NCAPD2: variants seen among roughly 807,000 people sequenced by gnomAD.
NCAPD2 encodes condensin complex subunit 1.
Under a neutral mutation model 164.5 loss-of-function variants are expected in NCAPD2, and 100 were observed. The observed-to-expected ratio is 0.61, with a 90% CI of 0.52 to 0.72. The LOEUF (loss-of-function observed/expected upper bound fraction) is 0.72, where lower values mean the gene tolerates loss of function less well. NCAPD2 is among the 30% of genes least tolerant of loss of function. NCAPD2 has a pLI of 0.00. For synonymous variants in NCAPD2, 585 were observed against 642.6 expected (o/e 0.91, Z 1.36); for missense variants, 1,560 against 1,749.2 (o/e 0.89, Z 1.93).
At chr12:6,511,704 C>T (rs1023832949) in intron 6 of NCAPD2, among the ~76,000 whole-genome samples, 3 of 151,406 alleles carry the variant, frequency 2.0e-5, no homozygotes, top group South Asian at 2.1e-4. Context: ...ACTCTAGGCC[C>T]GGTGCGGTGG....
At chr12:6,497,933 AAG>A (rs1945999070) in intron 2 of NCAPD2, among the ~76,000 whole-genome samples, 1 of 142,734 alleles carries the variant, frequency 7.0e-6, no homozygotes, top group African/African-American at 2.7e-5. Flanking sequence ...TTTTTTTTTA[AAG>A]AGTCTTTTGT....
At chr12:6,529,700 G>A in intron 28 of NCAPD2, 75 bp from the exon 29 acceptor site, 1 of 1,602,900 alleles carries the variant, frequency 6.2e-7, no homozygotes, top group South Asian at 1.1e-5. Context: ...CCTGGGACTG[G>A]GGAGGCTGAT....
At chr12:6,516,790 G>A in intron 9 of NCAPD2, 38 bp from the exon 10 acceptor site, 1 of 1,602,318 alleles carries the variant, frequency 6.2e-7, no homozygotes, top group Non-Finnish European at 8.5e-7. Flanking sequence ...GCTTCGCCTT[G>A]ACTAAAGGTT....
chr12:6,515,026 A>G, intron 9 of NCAPD2, 106 bp downstream of exon 9: 1 of 1,244,198 alleles, frequency 8.0e-7, no homozygotes, highest in Admixed American at 2.1e-5. Context: ...CAAGTTGTCT[A>G]GATTTATCAT....
chr12:6,497,778 C>T (rs1945997425), intron 2 of NCAPD2, among the ~76,000 whole-genome samples: 1 of 152,034 alleles, frequency 6.6e-6, no homozygotes, highest in South Asian at 2.1e-4. Context: ...GCCACCACGC[C>T]CGGCTAATTT....
rs780783630 is a variant in NCAPD2, at chr12:6,528,199, G to A, written c.3170G>A (p.Arg1057His). 6.2e-6 allele frequency: 10 copies of A among 1,614,152 alleles called. No individual in the cohort carries two copies. In the South Asian group the frequency reaches 7.7e-5, roughly 12 times the overall value. The part of the protein sequence containing the change: ...ISATFCDSQL[R>H]LLFTMLEKSP... Reference sequence around the variant, plus strand: ...GCCACTTTCTGCGACTCCCAGCTTCGTCTTCTGTTCACCATGCTGGAAAAG... The same window carrying A: ...GCCACTTTCTGCGACTCCCAGCTTCATCTTCTGTTCACCATGCTGGAAAAG... Residue 1057 changes from arginine (R) to histidine (H), a missense_variant, in exon 25 of 32, where the codon CGT becomes CAT. Transcript: ENST00000315579. The surrounding 1 kb of genome is among the most constrained non-coding windows in gnomAD (Gnocchi z 5.1).
At position 6,523,359 on chromosome 12, in the gene NCAPD2, G is replaced by A; in HGVS notation, c.2214+13G>A. 1.3e-6 allele frequency: 2 copies of A among 1,562,124 alleles called. No individual in the cohort carries two copies. Among genetic ancestry groups the A allele is most frequent in the Non-Finnish European group, 1.8e-6 (2 of 1,140,262 alleles). On this transcript the variant is annotated intron_variant, in intron 17 of 31. Transcript: ENST00000315579. Reference sequence around the variant, plus strand: ...TCTTGAGGAAATTGTAAGGCTTCCTGCTTTCTCTTTCTTTATTCATTCAAC... The same window carrying A: ...TCTTGAGGAAATTGTAAGGCTTCCTACTTTCTCTTTCTTTATTCATTCAAC...
At chr12:6,530,855 G>T in intron 30 of NCAPD2, 38 bp downstream of exon 30, 1 of 1,613,962 alleles carries the variant, frequency 6.2e-7, no homozygotes, top group East Asian at 2.2e-5. Context: ...ACCAGACTGG[G>T]CCCTCCCCTC....
chr12:6,530,320 G>A (rs1279949208), intron 29 of NCAPD2, among the ~76,000 whole-genome samples: 1 of 152,110 alleles, frequency 6.6e-6, no homozygotes. Flanking sequence ...CCTGCACCAG[G>A]GTGGCACATT....
chr12:6,511,529 ATGT>A (rs928949316), intron 6 of NCAPD2, among the ~76,000 whole-genome samples: 8 of 152,004 alleles, frequency 5.3e-5, no homozygotes, highest in African/African-American at 1.9e-4. Context: ...GGGTTTTGCC[ATGT>A]TGGCCAGGCT....
In NCAPD2 at chr12:6,531,345, C is replaced by T; in HGVS notation, c.4139C>T (p.Thr1380Ile). ...TGCATAGATCTTTCAGCAGAGATGA[C>T]AGAAGACGAGACACCCAAGAAAACA... ...SSEEDLSAEM[T>I]EDETPKKTTP... Residue 1380 changes from threonine (T) to isoleucine (I), a missense_variant, in exon 32 of 32, where the codon ACA becomes ATA. By Grantham distance (89) the Thr-to-Ile change is moderately conservative. Coordinates refer to ENST00000315579, the MANE Select transcript of NCAPD2 (RefSeq NM_014865.4). The surrounding 1 kb of genome is among the most constrained non-coding windows in gnomAD (Gnocchi z 4.1). 6.2e-7 allele frequency: 1 copy of T among 1,613,750 alleles called. No homozygotes were observed.
rs1946324561 is a variant in NCAPD2 at position 6,527,080 on chromosome 12, A to G, written c.2907+17A>G. The G allele has an allele frequency of 6.3e-7, 1 of 1,590,132 alleles. No individual in the cohort carries two copies. Among genetic ancestry groups the G allele is most frequent in the Admixed American group, 1.7e-5 (1 of 57,474 alleles). ...AAGGAGAAGGTGTGTGAATGTCCTCAGCACTTCCCAGATTTATTTCATACC... is the reference window on the plus strand; with the variant it reads ...AAGGAGAAGGTGTGTGAATGTCCTCGGCACTTCCCAGATTTATTTCATACC... On this transcript the variant is annotated intron_variant, in intron 22 of 31. Coordinates refer to ENST00000315579, the MANE Select transcript of NCAPD2 (RefSeq NM_014865.4).
At chr12:6,511,677 G>C (rs1946148693) in intron 6 of NCAPD2, among the ~76,000 whole-genome samples, 3 of 152,124 alleles carry the variant, frequency 2.0e-5, no homozygotes, top group South Asian at 2.1e-4. Context: ...GAAGAAGGTT[G>C]TGATTTTAAA....
At position 6,527,861 on chromosome 12, in the gene NCAPD2, G is replaced by A; in HGVS notation, c.2992G>A (p.Gly998Ser). 1 of 1,613,778 alleles carries A rather than the reference G, an allele frequency of 6.2e-7. No homozygotes were observed. The highest frequency in any genetic ancestry group is 8.5e-7 in the Non-Finnish European group (1 of 1,179,676). The change falls in exon 23 of 32, where the codon GGC (glycine) becomes AGC (serine). Residue 998 changes from glycine to serine, a missense_variant. Coordinates refer to ENST00000315579, the MANE Select transcript of NCAPD2 (RefSeq NM_014865.4). ...TGACACAGAGGCAGAACTAATCCGT[G>A]GCATCTGCGAGATGGAACTGTTGGA... ...ADDTEAELIRGICEMELLDGK... is the reference protein window; with the variant it reads ...ADDTEAELIRSICEMELLDGK...
At chr12:6,529,337 C>T (rs374180316) in intron 27 of NCAPD2, 176 bp from the exon 28 acceptor site, 111 of 645,942 alleles carry the variant, frequency 1.7e-4, no homozygotes, top group East Asian at 1.7e-3. Context: ...GAGCCGGGGG[C>T]GGGGTGGGGT....
At chr12:6,518,131 G>A (rs1946221587) in intron 13 of NCAPD2, 172 bp downstream of exon 13, 3 of 573,488 alleles carry the variant, frequency 5.2e-6, no homozygotes, top group Non-Finnish European at 6.0e-6. Context: ...CCACAATTAA[G>A]CATGTGTTTC....
intron 13 of NCAPD2, among the ~76,000 whole-genome samples, chr12:6,520,181 TAA>T (rs10674281): frequency 7.1e-6 from 1 of 141,822 alleles, no homozygotes. Context: ...ACTCTGTCTC[TAA>T]AAAAAAAAAT....
rs753638236 is a variant in NCAPD2 at position 6,531,511 on chromosome 12, T to TAA, written c.*110_*111dup. ...AAAATATTTGTCTGTCTCTTTTTTT[T>TAA]AAAAAAAAAAAAGGCCGGGCACTGT... On this transcript the variant is annotated 3_prime_UTR_variant, in exon 32 of 32. Coordinates refer to ENST00000315579, the MANE Select transcript of NCAPD2 (RefSeq NM_014865.4). This position sits in a 1 kb window ranked among gnomAD's most constrained non-coding sequence, Gnocchi z 4.1. The TAA allele has an allele frequency of 5.0e-5, 68 of 1,359,876 alleles. No homozygotes were observed. The highest frequency in any genetic ancestry group is 3.9e-4 in the African/African-American group (26 of 67,218). 84.2% of individuals were successfully genotyped at this position (1,359,876 alleles called of 1,614,324 possible). A position where few individuals can be genotyped will look rare whatever the true frequency, so the allele number is the denominator to read the frequency against.
Position 6,517,925 on chromosome 12 carries a change from C to T in NCAPD2, c.1555C>T (p.Arg519Cys), listed in dbSNP as rs753729110. ...NTETTEDVKGRIYQLLAKASY... is the reference protein window; with the variant it reads ...NTETTEDVKGCIYQLLAKASY... ...AGAGACAACTGAAGATGTGAAAGGA[C>T]GCATCTATCAACTGCTTGCCAAAGC... The change falls in exon 13 of 32, where the codon CGC (arginine) becomes TGC (cysteine). Residue 519 changes from arginine to cysteine, a missense_variant. Physicochemically the swap from Arg to Cys is radical, Grantham distance 180. Transcript: ENST00000315579. 9 of 1,613,944 alleles carry T rather than the reference C, an allele frequency of 5.6e-6. No homozygotes were observed. The highest frequency in any genetic ancestry group is 1.7e-4 in the Middle Eastern group (1 of 5,908).
Sources: allele counts gnomAD v4.1 joint callset (sites outside exome capture counted in the v4.1 genomes callset), GRCh38; gene constraint gnomAD v4.1.1; non-coding constraint Gnocchi (gnomAD v3.1); transcripts MANE v1.5; gene names NCBI Gene and HGNC (gene_info 2026-07-23, HGNC 2026-07-21).